The following H4C15 variants were observed in gnomAD, a reference collection of about 807,000 sequenced individuals.
H4C15 encodes the protein H4 clustered histone 15.
downstream of H4C15, chr1:149,850,501 C>G: frequency 1.2e-6 from 1 of 831,908 alleles, no homozygotes; most frequent in Non-Finnish European, 1.9e-6. Context: ...ATCTCCGGGA[C>G]GTGATGGTGG....
chr1:149,846,075 T>C, the H4C15 span: 29 of 152,188 alleles, frequency 1.9e-4, 1 homozygote, highest in East Asian at 5.6e-3. Flanking sequence ...CTGATTCTTA[T>C]TTTTTTGTAG....
At chr1:149,858,709 A>G (rs1448201169), downstream of H4C15, among the ~76,000 whole-genome samples, 1 of 88,602 alleles carries the variant, frequency 1.1e-5, no homozygotes, top group Non-Finnish European at 2.3e-5. Context: ...AAAAAAGAAA[A>G]GCTGTTACCT....
downstream of H4C15, among the ~76,000 whole-genome samples, chr1:149,849,615 C>T (rs782336068): frequency 6.6e-6 from 1 of 152,144 alleles, no homozygotes; most frequent in Non-Finnish European, 1.5e-5. Flanking sequence ...TATTTTGTTG[C>T]TATTGTATGG....
downstream of H4C15, chr1:149,850,183 A>G: frequency 1.5e-6 from 1 of 679,518 alleles, no homozygotes; most frequent in South Asian, 1.6e-5. Context: ...CTATGTGAAA[A>G]GAAAATAGTT....
the H4C15 span, chr1:149,846,995 G>C: frequency 6.6e-6 from 1 of 152,162 alleles, no homozygotes; most frequent in African/African-American, 2.4e-5. Flanking sequence ...AGAAATCAAG[G>C]CTGCACTCCC....
At chr1:149,847,582 G>A in the H4C15 span, 6 of 152,302 alleles carry the variant, frequency 3.9e-5, no homozygotes, top group Admixed American at 3.9e-4. Context: ...GCCAAGGCAG[G>A]TGGATCACCT....
At chr1:149,849,391 G>GC (rs782650456), downstream of H4C15, among the ~76,000 whole-genome samples, 2 of 152,166 alleles carry the variant, frequency 1.3e-5, no homozygotes, top group Non-Finnish European at 2.9e-5. Context: ...CCACAACACT[G>GC]CAACAGCCTC....
chr1:149,850,241 G>T, downstream of H4C15: 2 of 1,070,264 alleles, frequency 1.9e-6, no homozygotes, highest in Non-Finnish European at 1.4e-6. Context: ...CAGACGTGAA[G>T]CCAAAAACAT....
chr1:149,850,506 T>A, downstream of H4C15: 1 of 830,282 alleles, frequency 1.2e-6, no homozygotes, highest in Non-Finnish European at 1.9e-6. Flanking sequence ...CGGGACGTGA[T>A]GGTGGAGCGC....
chr1:149,844,784 C>G, the H4C15 span: 3 of 150,266 alleles, frequency 2.0e-5, no homozygotes, highest in Non-Finnish European at 4.4e-5. Context: ...TGTGCTGAAT[C>G]TACCTTATTT....
the H4C15 span, chr1:149,848,728 A>T: frequency 1.3e-5 from 2 of 152,234 alleles, no homozygotes; most frequent in Non-Finnish European, 2.9e-5. Context: ...TGGGAAACAC[A>T]TGTGGCAGCA....
chr1:149,846,151 ACACT>A, the H4C15 span: 6 of 152,166 alleles, frequency 3.9e-5, no homozygotes, highest in Non-Finnish European at 7.3e-5. Flanking sequence ...ATATACACAC[ACACT>A]CACTCCCCCC....
the H4C15 span, chr1:149,847,831 G>A: frequency 3.3e-5 from 5 of 152,254 alleles, no homozygotes; most frequent in African/African-American, 1.2e-4. Flanking sequence ...AAAACATGGA[G>A]ACATACATGA....
chr1:149,850,638 G>A (rs1553757694), downstream of H4C15: 10 of 490,378 alleles, frequency 2.0e-5, no homozygotes, highest in South Asian at 1.9e-4. Context: ...ACCCGCTTCA[G>A]CACCTTGTAC....
chr1:149,849,579 C>T (rs1227755841), downstream of H4C15, among the ~76,000 whole-genome samples: 1 of 152,180 alleles, frequency 6.6e-6, no homozygotes, highest in Non-Finnish European at 1.5e-5. Context: ...CTTCAGGGAT[C>T]CCAAACTCTG....
At chr1:149,850,550 G>A (rs2092173406), downstream of H4C15, 1 of 721,054 alleles carries the variant, frequency 1.4e-6, no homozygotes, top group Non-Finnish European at 2.2e-6. Context: ...CGCCTCTCCC[G>A]CGATGCGCTC....
chr1:149,850,223 A>G (rs894667265), downstream of H4C15: 3 of 864,020 alleles, frequency 3.5e-6, no homozygotes, highest in African/African-American at 1.7e-5. Context: ...TGCTCTCCTA[A>G]AGTTAACCAG....
the H4C15 span, chr1:149,845,388 ATG>A: frequency 6.6e-6 from 1 of 152,256 alleles, no homozygotes; most frequent in East Asian, 1.9e-4. Flanking sequence ...AGGGGGCCAT[ATG>A]TGCAATTGCT....
chr1:149,850,750 C>A (rs1553757721), downstream of H4C15: 5 of 239,120 alleles, frequency 2.1e-5, no homozygotes, highest in Non-Finnish European at 3.6e-5. Context: ...TGGGAGCCGG[C>A]GCGAACTTTG....
Sources: gnomAD v4.1 joint callset for allele counts (sites outside exome capture counted in the v4.1 genomes callset) on GRCh38, gnomAD v4.1.1 for gene constraint, MANE v1.5 for transcripts, NCBI Gene and HGNC (gene_info 2026-07-23, HGNC 2026-07-21) for gene names.